PRSS3: variants seen among roughly 807,000 people sequenced by gnomAD.
PRSS3 encodes trypsin-3.
A neutral mutation model predicts 20.8 loss-of-function variants in PRSS3; 14 were observed. That is an observed-to-expected ratio of 0.67 (90% CI 0.44 to 1.05). PRSS3 has a LOEUF of 1.05. Among genes scored for constraint, PRSS3 ranks in the 50% least tolerant of loss-of-function variants. The pLI is 0.00. For synonymous variants in PRSS3, 91 were observed against 117.6 expected, an observed-to-expected ratio of 0.77 and a Z score of 1.46; for missense variants, 237 against 306.4, an observed-to-expected ratio of 0.77 and a Z score of 1.69.
chr9:33,782,184 A>G (rs1242466966), intron 1 of PRSS3, among the ~76,000 whole-genome samples: 2 of 152,310 alleles, frequency 1.3e-5, no homozygotes, highest in South Asian at 2.1e-4. Context: ...GGGCCCCCCA[A>G]CAGTGAGACA....
intron 1 of PRSS3, among the ~76,000 whole-genome samples, chr9:33,777,570 G>A (rs1485593922): frequency 6.7e-6 from 1 of 150,344 alleles, no homozygotes; most frequent in African/African-American, 2.4e-5. Flanking sequence ...GGGCGAGGTG[G>A]TGGGTACCTG....
chr9:33,768,440 AC>A (rs1823542075), intron 1 of PRSS3, among the ~76,000 whole-genome samples: 1 of 151,780 alleles, frequency 6.6e-6, no homozygotes, highest in Non-Finnish European at 1.5e-5. Context: ...AGATAGCACC[AC>A]CGCAGCACTC....
At chr9:33,782,338 C>T (rs770306938) in intron 1 of PRSS3, among the ~76,000 whole-genome samples, 1 of 152,136 alleles carries the variant, frequency 6.6e-6, no homozygotes, top group Non-Finnish European at 1.5e-5. Flanking sequence ...TAACTCTTTC[C>T]TTTTGGGCTT....
intron 1 of PRSS3, among the ~76,000 whole-genome samples, chr9:33,777,878 G>A (rs1824009343): frequency 6.6e-6 from 1 of 152,046 alleles, no homozygotes; most frequent in Admixed American, 6.5e-5. Flanking sequence ...CTACAATACA[G>A]TAAGTAGACA....
intron 4 of PRSS3, 33 bp downstream of exon 4, chr9:33,798,655 A>G (rs1563971079): frequency 2.5e-6 from 4 of 1,613,308 alleles, no homozygotes; most frequent in South Asian, 2.2e-5. Flanking sequence ...TGAGGCTCCC[A>G]CCGATACCCA....
chr9:33,786,231 C>T (rs1290328430), intron 1 of PRSS3: 1 of 539,164 alleles, frequency 1.9e-6, no homozygotes, highest in Non-Finnish European at 3.3e-6. Context: ...ATGCTGTCTC[C>T]TGCTCCTTCT....
At chr9:33,794,508 T>A (rs1824804903), upstream of PRSS3, among the ~76,000 whole-genome samples, 2 of 152,210 alleles carry the variant, frequency 1.3e-5, no homozygotes, top group African/African-American at 4.8e-5. Flanking sequence ...AAGCCCAGCA[T>A]AATCTCACTG....
At chr9:33,793,660 A>C (rs1824744200), upstream of PRSS3, 1 of 974,036 alleles carries the variant, frequency 1.0e-6, no homozygotes, top group Non-Finnish European at 1.2e-6. Context: ...ATCTCCTTTT[A>C]GATGTCACCT....
chr9:33,757,545 G>A (rs542031639), intron 1 of PRSS3, among the ~76,000 whole-genome samples: 1 of 151,606 alleles, frequency 6.6e-6, no homozygotes, highest in East Asian at 1.9e-4. Context: ...TGATAGGAAT[G>A]GTTCCTGCTT....
intron 1 of PRSS3, among the ~76,000 whole-genome samples, chr9:33,758,757 G>T (rs1823059294): frequency 6.6e-6 from 1 of 152,164 alleles, no homozygotes; most frequent in South Asian, 2.1e-4. Context: ...AATAGTGATG[G>T]TACCAACAAT....
chr9:33,794,521 T>C (rs1230598298), upstream of PRSS3, among the ~76,000 whole-genome samples: 3 of 152,194 alleles, frequency 2.0e-5, no homozygotes, highest in Non-Finnish European at 2.9e-5. Flanking sequence ...TCTCACTGCA[T>C]CTAAAATAGA....
chr9:33,761,878 C>CA (rs919484580), intron 1 of PRSS3, among the ~76,000 whole-genome samples: 6 of 150,310 alleles, frequency 4.0e-5, no homozygotes, highest in East Asian at 3.9e-4. Flanking sequence ...GACCTTGTCT[C>CA]AAAAAAAAGA....
At chr9:33,751,596 G>C (rs1384745656) in intron 1 of PRSS3, among the ~76,000 whole-genome samples, 1 of 152,120 alleles carries the variant, frequency 6.6e-6, no homozygotes, top group Non-Finnish European at 1.5e-5. Flanking sequence ...CGTTCTCTTC[G>C]ACTGCTTTCT....
chr9:33,796,933 C>T, intron 2 of PRSS3, 131 bp downstream of exon 2: 2 of 1,436,916 alleles, frequency 1.4e-6, no homozygotes, highest in East Asian at 2.4e-5. Context: ...TTGTTGACAG[C>T]AGCTGACTCT....
chr9:33,793,462 G>C (rs1824733733), upstream of PRSS3, among the ~76,000 whole-genome samples: 1 of 152,244 alleles, frequency 6.6e-6, no homozygotes, highest in Non-Finnish European at 1.5e-5. Context: ...TTTGTGAGCA[G>C]AGAGGTGTGT....
At chr9:33,797,073 C>T (rs111680400) in intron 2 of PRSS3, among the ~76,000 whole-genome samples, 11 of 152,296 alleles carry the variant, frequency 7.2e-5, no homozygotes, top group African/African-American at 1.7e-4. Context: ...CACATTAAAG[C>T]GACCTAAGAC....
At chr9:33,784,280 T>G (rs536916625) in intron 1 of PRSS3, among the ~76,000 whole-genome samples, 1 of 152,352 alleles carries the variant, frequency 6.6e-6, no homozygotes, top group South Asian at 2.1e-4. Context: ...TTGTTAATTT[T>G]CAGAAGCTTT....
At chr9:33,758,302 C>T (rs1421252586) in intron 1 of PRSS3, among the ~76,000 whole-genome samples, 1 of 152,194 alleles carries the variant, frequency 6.6e-6, no homozygotes, top group Non-Finnish European at 1.5e-5. Flanking sequence ...AACTCAGACC[C>T]ATGATGAAAG....
intron 1 of PRSS3, among the ~76,000 whole-genome samples, chr9:33,775,249 TCC>T (rs1030525368): frequency 2.0e-5 from 3 of 152,156 alleles, no homozygotes; most frequent in African/African-American, 7.2e-5. Context: ...CTGTGGCTGC[TCC>T]CGTCACCCCC....
Sources: allele counts gnomAD v4.1 joint callset (sites outside exome capture counted in the v4.1 genomes callset), GRCh38; gene constraint gnomAD v4.1.1; transcripts MANE v1.5; gene names NCBI Gene and HGNC (gene_info 2026-07-23, HGNC 2026-07-21).